Variants in WWOX observed in about 807,000 individuals in gnomAD.
WWOX encodes the protein WW domain-containing oxidoreductase.
In WWOX, 69 loss-of-function variants were observed where a neutral mutation model predicts 46.2. The ratio of observed to expected loss-of-function variants is 1.49; its 90% CI spans 1.23 to 1.82. The LOEUF (loss-of-function observed/expected upper bound fraction) is 1.82, where lower values mean the gene tolerates loss of function less well. Among genes scored for constraint, WWOX ranks in the 40% most tolerant of loss-of-function variants. The pLI, the probability that WWOX is intolerant of heterozygous loss-of-function variation, is 0.00. For synonymous variants in WWOX, 359 were observed against 202.6 expected, an observed-to-expected ratio of 1.77 and a Z score of -6.56; for missense variants, 919 against 542.6, an observed-to-expected ratio of 1.69 and a Z score of -6.89.
At chr16:79,045,079 A>T (rs1032401410) in intron 8 of WWOX, among the ~76,000 whole-genome samples, 1 of 152,230 alleles carries the variant, frequency 6.6e-6, no homozygotes, top group Non-Finnish European at 1.5e-5. Flanking sequence ...CAATCTCTCC[A>T]AATGTTAGAT....
chr16:78,518,331 A>T (rs554800099), intron 8 of WWOX, among the ~76,000 whole-genome samples: 14 of 152,230 alleles, frequency 9.2e-5, no homozygotes, highest in African/African-American at 3.1e-4. Flanking sequence ...TCCTGGGATC[A>T]AGTGATTCTC....
chr16:78,875,416 C>T (rs1011516683), intron 8 of WWOX, among the ~76,000 whole-genome samples: 8 of 152,078 alleles, frequency 5.3e-5, no homozygotes, highest in South Asian at 2.1e-4. Context: ...CTCTAATTCT[C>T]GAGTGTCTGA....
At chr16:78,275,810 A>G (rs946695273) in intron 5 of WWOX, among the ~76,000 whole-genome samples, 2 of 152,168 alleles carry the variant, frequency 1.3e-5, no homozygotes, top group African/African-American at 2.4e-5. Flanking sequence ...AGGGCAAACC[A>G]GTTTGGGTGA....
intron 8 of WWOX, among the ~76,000 whole-genome samples, chr16:79,068,881 G>C (rs534956842): frequency 6.6e-6 from 1 of 151,206 alleles, no homozygotes; most frequent in African/African-American, 2.4e-5. Context: ...CGAGAGAGGA[G>C]GTAGGGAATG....
At chr16:78,843,442 C>G (rs1016460992) in intron 8 of WWOX, among the ~76,000 whole-genome samples, 1 of 150,000 alleles carries the variant, frequency 6.7e-6, no homozygotes, top group Non-Finnish European at 1.5e-5. Flanking sequence ...GAATGCCCAG[C>G]TCAGGGGATG....
At chr16:78,842,472 C>T (rs567419279) in intron 8 of WWOX, among the ~76,000 whole-genome samples, 2 of 151,222 alleles carry the variant, frequency 1.3e-5, no homozygotes, top group Non-Finnish European at 2.9e-5. Context: ...TACTTTACTT[C>T]AACCTGGGTG....
intron 8 of WWOX, among the ~76,000 whole-genome samples, chr16:78,761,034 A>T (rs1189932328): frequency 6.6e-6 from 1 of 152,112 alleles, no homozygotes; most frequent in Non-Finnish European, 1.5e-5. Flanking sequence ...TGATTCAGTT[A>T]TCTCCTACCA....
intron 8 of WWOX, chr16:78,506,389 C>G (rs985941768): frequency 6.6e-6 from 1 of 152,218 alleles, no homozygotes; most frequent in African/African-American, 2.4e-5. Flanking sequence ...CATTTTTACC[C>G]AAGACAGAGA....
intron 8 of WWOX, among the ~76,000 whole-genome samples, chr16:79,089,519 A>C (rs2048915064): frequency 6.6e-6 from 1 of 152,060 alleles, no homozygotes; most frequent in African/African-American, 2.4e-5. Context: ...TTTAATACAG[A>C]CAGGGTTTCT....
intron 8 of WWOX, among the ~76,000 whole-genome samples, chr16:79,055,600 T>G (rs534311956): frequency 1.4e-4 from 22 of 152,298 alleles, no homozygotes; most frequent in African/African-American, 5.3e-4. Context: ...CTGTCCAAAC[T>G]GAAGATTCAT....
At chr16:78,861,561 G>C (rs1321406216) in intron 8 of WWOX, among the ~76,000 whole-genome samples, 1 of 152,086 alleles carries the variant, frequency 6.6e-6, no homozygotes, top group East Asian at 1.9e-4. Flanking sequence ...TAGACATTTT[G>C]AGTAACTAAA....
intron 8 of WWOX, among the ~76,000 whole-genome samples, chr16:78,859,143 T>C (rs8051984): frequency 0.99 from 146,090 of 147,782 alleles, 72,247 homozygotes; most frequent in African/African-American, 1. Context: ...GTTCTCGGGG[T>C]AATCTGAGAC....
intron 8 of WWOX, among the ~76,000 whole-genome samples, chr16:78,746,335 A>T (rs2049346443): frequency 6.6e-6 from 1 of 152,110 alleles, no homozygotes; most frequent in Non-Finnish European, 1.5e-5. Flanking sequence ...TTGCCTGTAC[A>T]AAAAATTTAA....
intron 8 of WWOX, among the ~76,000 whole-genome samples, chr16:78,533,411 T>TAA (rs11324963): frequency 7.5e-5 from 11 of 147,184 alleles, no homozygotes; most frequent in African/African-American, 1.3e-4. Flanking sequence ...GTTGATGAGC[T>TAA]AAAAAAAAAA....
intron 8 of WWOX, among the ~76,000 whole-genome samples, chr16:78,482,291 A>T (rs1039112820): frequency 6.6e-6 from 1 of 152,104 alleles, no homozygotes; most frequent in African/African-American, 2.4e-5. Context: ...GCTAGAGTGC[A>T]GTGGCGCGAT....
At chr16:78,799,122 A>G (rs1434416331) in intron 8 of WWOX, among the ~76,000 whole-genome samples, 1 of 152,180 alleles carries the variant, frequency 6.6e-6, no homozygotes, top group East Asian at 1.9e-4. Context: ...CCACTTCATT[A>G]TGGTTCCTGG....
chr16:78,849,898 C>A (rs1003234897), intron 8 of WWOX, among the ~76,000 whole-genome samples: 2 of 152,060 alleles, frequency 1.3e-5, no homozygotes, highest in Middle Eastern at 3.4e-3. Context: ...CATGCAGAAA[C>A]CCTGTCTCTA....
intron 8 of WWOX, among the ~76,000 whole-genome samples, chr16:78,707,616 CT>C (rs2048351730): frequency 6.6e-6 from 1 of 152,246 alleles, no homozygotes; most frequent in Non-Finnish European, 1.5e-5. Flanking sequence ...AGCATGGTGT[CT>C]CATGCCTGTA....
At chr16:79,052,176 C>G (rs994725598) in intron 8 of WWOX, among the ~76,000 whole-genome samples, 2 of 152,034 alleles carry the variant, frequency 1.3e-5, no homozygotes, top group Non-Finnish European at 2.9e-5. Context: ...TCTCCCAATG[C>G]TATCCCTCCC....
Sources: allele counts gnomAD v4.1 joint callset (sites outside exome capture counted in the v4.1 genomes callset), GRCh38; gene constraint gnomAD v4.1.1; transcripts MANE v1.5; gene names NCBI Gene and HGNC (gene_info 2026-07-23, HGNC 2026-07-21).